Variants in ADSL observed in about 807,000 individuals in gnomAD.
ADSL encodes the protein adenylosuccinate lyase.
ADSL carries 44 observed loss-of-function variants against 62.1 expected under a neutral mutation model. That is an observed-to-expected ratio of 0.71 (90% CI 0.56 to 0.91). The LOEUF (loss-of-function observed/expected upper bound fraction) is 0.91, where lower values mean the gene tolerates loss of function less well. Among genes scored for constraint, ADSL ranks in the 40% least tolerant of loss-of-function variants. The pLI, the probability that ADSL is intolerant of heterozygous loss-of-function variation, is 0.00. For missense variants in ADSL, 531 were observed against 627.4 expected (o/e 0.85, Z 1.64); for synonymous variants, 198 against 220.5 (o/e 0.90, Z 0.90).
In ADSL at chr22:40,362,983, G is replaced by T; in HGVS notation, c.1013G>T (p.Arg338Leu). Residue 338 changes from arginine (R) to leucine (L), a missense_variant and splice_region_variant, in exon 10 of 13, where the codon CGG (arginine) becomes CTG (leucine). Physicochemically the swap from Arg to Leu is moderately radical, Grantham distance 102. This residue lies in a region of ADSL where 471 missense variants were observed against 592.9 expected (regional missense o/e 0.79). Transcript: ENST00000623063. ...CTGAATGGCTATTTGTTTTCTAGAC[G>T]GATCTGTTTGGCCGAGGCATTTCTT... is the stretch of plus-strand genomic sequence containing the variant. The part of the protein sequence containing the change: ...ERTLDDSANR[R>L]ICLAEAFLTA... The T allele has an allele frequency of 6.2e-7, 1 of 1,613,038 alleles. No homozygotes were observed. The highest frequency in any genetic ancestry group is 8.5e-7 in the Non-Finnish European group (1 of 1,179,026).
At chr22:40,371,855 C>G (rs2045562034), downstream of ADSL, among the ~76,000 whole-genome samples, 1 of 151,844 alleles carries the variant, frequency 6.6e-6, no homozygotes, top group Non-Finnish European at 1.5e-5. Flanking sequence ...CGCCACCACG[C>G]CCGGCTAATT....
intron 6 of ADSL, among the ~76,000 whole-genome samples, 169 bp from the exon 7 acceptor site, chr22:40,360,233 A>C (rs2044730518): frequency 1.3e-5 from 2 of 152,268 alleles, no homozygotes; most frequent in African/African-American, 4.8e-5. Context: ...CATGTTTTGA[A>C]TTATTATTAT....
chr22:40,357,805 A>C (rs117941811), intron 4 of ADSL, among the ~76,000 whole-genome samples: 2,819 of 152,096 alleles, frequency 0.019, 38 homozygotes, highest in Non-Finnish European at 0.029. Flanking sequence ...TTGAGACAGA[A>C]TCTGGCTGTG....
chr22:40,365,498 G>A lies in ADSL; in HGVS notation c.1368+442G>A, dbSNP rs2044968866. Among the ~76,000 whole-genome samples, 3 of 152,192 alleles carry A rather than the reference G, an allele frequency of 2.0e-5. No homozygotes were observed. The South Asian group carries it at 6.2e-4, about 31-fold the overall frequency. ...AGGTAAAAGTAAATATCTCAGTGTT[G>A]TAATGATTGAAATGCCTGAGTATAT... On this transcript the variant is annotated intron_variant, in intron 12 of 12. Transcript: ENST00000623063.
intron 11 of ADSL, 102 bp from the exon 12 acceptor site, chr22:40,364,778 A>G: frequency 8.0e-7 from 1 of 1,253,946 alleles, no homozygotes; most frequent in East Asian, 2.3e-5. Flanking sequence ...GGTTTTGTGT[A>G]GAGCTGTGTA....
intron 2 of ADSL, among the ~76,000 whole-genome samples, chr22:40,352,445 G>C (rs565199549): frequency 6.6e-6 from 1 of 152,174 alleles, no homozygotes; most frequent in East Asian, 1.9e-4. Context: ...GGAGAATGGC[G>C]TGAACCCGGG....
Position 40,361,306 on chromosome 22 carries a change from A to G in ADSL, c.826A>G (p.Lys276Glu). ...CGACATACGCCTCCTGGCAAACCTC[A>G]AGGAGATGGAGGAACCCTTTGAAAA... ...CTDIRLLANL[K>E]EMEEPFEKQQ... The change falls in exon 8 of 13, where the codon AAG becomes GAG. Residue 276 changes from lysine to glutamate, a missense_variant. Coordinates refer to ENST00000623063, the MANE Select transcript of ADSL (RefSeq NM_000026.4). 1 of 1,614,158 alleles carries G rather than the reference A, an allele frequency of 6.2e-7. No homozygotes were observed. The highest frequency in any genetic ancestry group is 8.5e-7 in the Non-Finnish European group (1 of 1,180,032).
intron 2 of ADSL, among the ~76,000 whole-genome samples, chr22:40,383,484 G>T (rs2047925036): frequency 6.8e-6 from 1 of 147,624 alleles, no homozygotes; most frequent in Non-Finnish European, 1.5e-5. Flanking sequence ...AAAAAAAAAA[G>T]TCAGTAGGAA....
At position 40,386,447 on chromosome 22, in the gene ADSL, C is replaced by G. The variant is rs372088204; in HGVS notation, c.90-3783C>G. 1.3e-3 allele frequency among the ~76,000 whole-genome samples: 195 copies of G among 151,780 alleles called. 5 individuals carry two copies. In the South Asian group the frequency reaches 0.039, roughly 30 times the overall value. ...TGAATGTAATCCAATGGGCCTGTCT[C>G]TAGCTGTTTCCAAGTTTTTGATTCA... On this transcript the variant is annotated intron_variant, in intron 2 of 2. Coordinates refer to the ADSL transcript ENST00000498234.
chr22:40,380,609 A>G (rs1303525440), intron 2 of ADSL, among the ~76,000 whole-genome samples: 1 of 152,092 alleles, frequency 6.6e-6, no homozygotes, highest in Non-Finnish European at 1.5e-5. Flanking sequence ...TCAAGTGATC[A>G]TTACAGGCGT....
At chr22:40,354,823 C>A (rs141718792) in intron 4 of ADSL, among the ~76,000 whole-genome samples, 1 of 150,310 alleles carries the variant, frequency 6.7e-6, no homozygotes, top group Non-Finnish European at 1.5e-5. Context: ...GAGCCAAGAT[C>A]GCACCACTGC....
At chr22:40,354,638 A>G (rs932171910) in intron 4 of ADSL, among the ~76,000 whole-genome samples, 4 of 152,158 alleles carry the variant, frequency 2.6e-5, no homozygotes, top group Admixed American at 6.6e-5. Flanking sequence ...TGGGAGGTCA[A>G]GGTGGGCAGA....
At chr22:40,349,758 T>C in intron 1 of ADSL, 74 bp from the exon 2 acceptor site, 1 of 1,377,614 alleles carries the variant, frequency 7.3e-7, no homozygotes, top group Non-Finnish European at 1.0e-6. Context: ...GAATCAGTTT[T>C]TTTTCCTTGG....
At chr22:40,381,335 G>A (rs1266959785) in intron 2 of ADSL, among the ~76,000 whole-genome samples, 3 of 152,002 alleles carry the variant, frequency 2.0e-5, no homozygotes, top group Non-Finnish European at 2.9e-5. Flanking sequence ...TTTTTGTAGT[G>A]ATGAAGCCTC....
At chr22:40,370,951 C>T (rs2045317193), downstream of ADSL, among the ~76,000 whole-genome samples, 1 of 152,232 alleles carries the variant, frequency 6.6e-6, no homozygotes, top group African/African-American at 2.4e-5. Context: ...GCCGAGGCCA[C>T]CTCAGGTGTT....
rs543380199 is a variant in ADSL at position 40,364,034 on chromosome 22, G to A, written c.1102-242G>A. 9.2e-5 allele frequency among the ~76,000 whole-genome samples: 14 copies of A among 151,406 alleles called. No individual in the cohort carries two copies. The East Asian group carries it at 1.4e-3, about 15-fold the overall frequency. ...GGAGCTTGCAGTGAGCTGAGATCACGCCACTGCACTCCAGCCTGGGCGACA... is the reference window on the plus strand; with the variant it reads ...GGAGCTTGCAGTGAGCTGAGATCACACCACTGCACTCCAGCCTGGGCGACA... On this transcript the variant is annotated intron_variant, in intron 10 of 12. Coordinates refer to ENST00000623063, the MANE Select transcript of ADSL (RefSeq NM_000026.4).
At chr22:40,347,525 T>G (rs1254182587) in intron 1 of ADSL, among the ~76,000 whole-genome samples, 1 of 152,246 alleles carries the variant, frequency 6.6e-6, no homozygotes, top group African/African-American at 2.4e-5. Flanking sequence ...AACGAGCAAG[T>G]TGGCAATGCC....
chr22:40,363,954 G>A (rs2044894050), intron 10 of ADSL, among the ~76,000 whole-genome samples: 1 of 152,072 alleles, frequency 6.6e-6, no homozygotes. Context: ...GCGGGCGCCT[G>A]TAGTCCCAGC....
rs2045052458 is a variant in ADSL at position 40,368,004 on chromosome 22, A to G, written c.*1482A>G. The G allele has an allele frequency of 6.6e-6, 1 of 152,214 alleles. No homozygotes were observed. The highest frequency in any genetic ancestry group is 1.5e-5 in the Non-Finnish European group (1 of 68,038). The allele number at this position is 152,214 out of a possible 1,614,324, so 9.4% of individuals were successfully genotyped here. ...GCTCCGCACTCTTGGCATTACATTC[A>G]ATTTTGGATACCCAGTCTGAGGAAT... On this transcript the variant is annotated 3_prime_UTR_variant, in exon 13 of 13. Coordinates refer to ENST00000623063, the MANE Select transcript of ADSL (RefSeq NM_000026.4).
Sources: gnomAD v4.1 joint callset for allele counts (sites outside exome capture counted in the v4.1 genomes callset) on GRCh38, gnomAD v4.1.1 for gene constraint, gnomAD v4.1.1 regional missense constraint, MANE v1.5 for transcripts, NCBI Gene and HGNC (gene_info 2026-07-23, HGNC 2026-07-21) for gene names.